Variants in ZNF341 observed in about 807,000 individuals in gnomAD.
ZNF341 encodes zinc finger protein 341.
A neutral mutation model predicts 87.7 loss-of-function variants in ZNF341; 52 were observed. The observed-to-expected ratio is 0.59, with a 90% CI of 0.47 to 0.75. ZNF341 has a LOEUF of 0.75. ZNF341 is among the 30% of genes least tolerant of loss of function. The pLI, the probability that ZNF341 is intolerant of heterozygous loss-of-function variation, is 0.00. For synonymous variants in ZNF341, 459 were observed against 472.7 expected (o/e 0.97, Z 0.38); for missense variants, 977 against 1,145.9 (o/e 0.85, Z 2.13).
chr20:33,768,276 C>T lies in ZNF341; in HGVS notation c.1413+1235C>T, dbSNP rs80121992. Among the ~76,000 whole-genome samples, 6 of 151,676 alleles carry T rather than the reference C, an allele frequency of 4.0e-5. No individual in the cohort carries two copies. The East Asian group carries it at 1.2e-3, about 29-fold the overall frequency. On this transcript the variant is annotated intron_variant, in intron 9 of 14. Coordinates refer to ENST00000375200, the MANE Select transcript of ZNF341 (RefSeq NM_001282933.2). ...TAGCTGGGATTACAGGTGCCCCCCA[C>T]CACACCCAGCTAATTTTTGTATTTT...
At position 33,732,470 on chromosome 20, in the gene ZNF341, C is replaced by G. The variant is rs2018592255; in HGVS notation, c.31+418C>G. 2.0e-5 allele frequency among the ~76,000 whole-genome samples: 3 copies of G among 152,330 alleles called. No homozygotes were observed. The South Asian group carries it at 6.2e-4, about 32-fold the overall frequency. Reference sequence around the variant, plus strand: ...CTGCGGGCAGGAGGGCCTCGGCGGCCTGACCACGAAGAACTTCTGCGGAGC... The same window carrying G: ...CTGCGGGCAGGAGGGCCTCGGCGGCGTGACCACGAAGAACTTCTGCGGAGC... On this transcript the variant is annotated intron_variant, in intron 1 of 14. Transcript: ENST00000375200. The surrounding 1 kb of genome is among the most constrained non-coding windows in gnomAD (Gnocchi z 4.5).
At chr20:33,750,330 G>GGAGAA (rs1293419330) in intron 4 of ZNF341, among the ~76,000 whole-genome samples, 7 of 152,164 alleles carry the variant, frequency 4.6e-5, no homozygotes, top group Admixed American at 1.3e-4. Context: ...TCCCCTTGCT[G>GGAGAA]TGTCCCTGGA....
intron 10 of ZNF341, among the ~76,000 whole-genome samples, chr20:33,776,352 C>G (rs1273845430): frequency 2.0e-5 from 3 of 151,648 alleles, no homozygotes; most frequent in African/African-American, 4.8e-5. Flanking sequence ...CTTGGCCTCC[C>G]AAAGTGCTGG....
chr20:33,734,780 A>G (rs997113506), intron 1 of ZNF341, among the ~76,000 whole-genome samples: 4 of 151,900 alleles, frequency 2.6e-5, no homozygotes, highest in Non-Finnish European at 5.9e-5. Context: ...TCTTGGCTCA[A>G]TGCAGCCTCC....
chr20:33,767,380 A>C (rs914526410), intron 9 of ZNF341, among the ~76,000 whole-genome samples: 113 of 57,772 alleles, frequency 2.0e-3, no homozygotes, highest in African/African-American at 7.0e-3. Flanking sequence ...GATGGTGATC[A>C]CTTCTTTTTT....
intron 10 of ZNF341, among the ~76,000 whole-genome samples, chr20:33,773,584 G>A (rs2019569020): frequency 6.6e-6 from 1 of 152,210 alleles, no homozygotes; most frequent in Non-Finnish European, 1.5e-5. Context: ...CTGTGAAATG[G>A]GGATCACAGT....
chr20:33,732,209 C>CG lies in ZNF341; in HGVS notation c.31+158dup, dbSNP rs1304886078. On this transcript the variant is annotated intron_variant, in intron 1 of 14. Coordinates refer to ENST00000375200, the MANE Select transcript of ZNF341 (RefSeq NM_001282933.2). This position sits in a 1 kb window ranked among gnomAD's most constrained non-coding sequence, Gnocchi z 4.5. The stretch of plus-strand genomic sequence containing the variant: ...GCGGGAGGGGCGCGGGCGGGAACAG[C>CG]GCGGGAGCCGAGGCCCGGCGGGGGA... 1.3e-5 allele frequency among the ~76,000 whole-genome samples: 2 copies of CG among 148,810 alleles called. No homozygotes were observed. The highest frequency in any genetic ancestry group is 3.0e-5 in the Non-Finnish European group (2 of 66,860).
rs1346009105 is a variant in ZNF341, at chr20:33,732,208, G to A, written c.31+156G>A. Among the ~76,000 whole-genome samples the A allele has an allele frequency of 2.0e-5, 3 of 149,440 alleles. No homozygotes were observed. Among genetic ancestry groups the A allele is most frequent in the Non-Finnish European group, 4.5e-5 (3 of 67,058 alleles). ...GGCGGGAGGGGCGCGGGCGGGAACA[G>A]CGCGGGAGCCGAGGCCCGGCGGGGG... On this transcript the variant is annotated intron_variant, in intron 1 of 14. Coordinates refer to ENST00000375200, the MANE Select transcript of ZNF341 (RefSeq NM_001282933.2). The surrounding 1 kb of genome is among the most constrained non-coding windows in gnomAD (Gnocchi z 4.5).
chr20:33,790,869 G>C, intron 14 of ZNF341, 119 bp from the exon 15 acceptor site: 1 of 1,225,892 alleles, frequency 8.2e-7, no homozygotes, highest in East Asian at 2.5e-5. Flanking sequence ...GGTGGAGAGA[G>C]CTGGGGCCAG....
intron 8 of ZNF341, among the ~76,000 whole-genome samples, chr20:33,764,501 G>A (rs896101320): frequency 2.2e-5 from 3 of 138,346 alleles, no homozygotes; most frequent in African/African-American, 8.1e-5. Flanking sequence ...ATATATATGT[G>A]TGTGTATATA....
chr20:33,743,195 C>A (rs546587743), intron 2 of ZNF341, among the ~76,000 whole-genome samples: 66 of 152,092 alleles, frequency 4.3e-4, no homozygotes, highest in African/African-American at 1.5e-3. Context: ...CCACACCCGG[C>A]TAATTTTTGT....
At chr20:33,787,422 C>A (rs1037992431) in intron 12 of ZNF341, 1 of 152,156 alleles carries the variant, frequency 6.6e-6, no homozygotes. Flanking sequence ...ATTGTAGGGA[C>A]CAGCATTTCC....
At chr20:33,777,544 G>A (rs2019653920) in intron 10 of ZNF341, among the ~76,000 whole-genome samples, 1 of 150,792 alleles carries the variant, frequency 6.6e-6, no homozygotes, top group South Asian at 2.1e-4. Flanking sequence ...TGAGGCAGGA[G>A]AATCCCTTGA....
chr20:33,745,216 G>A lies in ZNF341; in HGVS notation c.256G>A (p.Val86Ile), dbSNP rs746241708. 2.5e-6 allele frequency: 4 copies of A among 1,614,194 alleles called. No homozygotes were observed. In the East Asian group the frequency reaches 6.7e-5, roughly 27 times the overall value. The part of the protein sequence containing the change: ...CQGNAPALAT[V>I]SLATNSIYPP... The stretch of plus-strand genomic sequence containing the variant: ...GGGGAATGCCCCCGCCCTGGCCACA[G>A]TCTCACTGGCCACCAACAGCATCTA... Residue 86 changes from valine to isoleucine, a missense_variant, in exon 3 of 15, where the codon GTC becomes ATC. Val to Ile is a conservative substitution (Grantham distance 29). Transcript: ENST00000375200.
Position 33,791,213 on chromosome 20 carries a change from G to A in ZNF341, c.2261G>A (p.Arg754His), listed in dbSNP as rs375592064. The A allele has an allele frequency of 2.4e-5, 39 of 1,612,090 alleles. No homozygotes were observed. Among genetic ancestry groups the A allele is most frequent in the Admixed American group, 1.2e-4 (7 of 59,958 alleles). Reference protein sequence around the residue: ...RRPPQRRAAPRSCGSGGRKVL... With the variant: ...RRPPQRRAAPHSCGSGGRKVL... ...CCCCCCCAGAGGAGGGCAGCCCCCC[G>A]CAGTTGCGGCAGTGGTGGGCGCAAG... Residue 754 changes from arginine to histidine, a missense_variant, in exon 15 of 15, where the codon CGC (arginine) becomes CAC (histidine). Coordinates refer to ENST00000375200, the MANE Select transcript of ZNF341 (RefSeq NM_001282933.2).
chr20:33,743,479 A>T (rs1243667132), intron 2 of ZNF341, among the ~76,000 whole-genome samples: 1 of 151,160 alleles, frequency 6.6e-6, no homozygotes, highest in Non-Finnish European at 1.5e-5. Flanking sequence ...AGCTGAGATT[A>T]CAGGCATGCA....
Position 33,791,590 on chromosome 20 carries a change from G to A in ZNF341, c.*73G>A, listed in dbSNP as rs540236842. 1.2e-4 allele frequency: 172 copies of A among 1,427,874 alleles called. No individual in the cohort carries two copies. The African/African-American group carries it at 1.3e-3, about 11-fold the overall frequency. The allele number at this position is 1,427,874 out of a possible 1,614,324, so 88.5% of individuals were successfully genotyped here. ...GGTCCAGGGCCCCTGGGGGCAGACC[G>A]GTGATCCTTACCAGTGGAAGCGAGC... On this transcript the variant is annotated 3_prime_UTR_variant, in exon 15 of 15. Coordinates refer to ENST00000375200, the MANE Select transcript of ZNF341 (RefSeq NM_001282933.2).
At position 33,757,481 on chromosome 20, in the gene ZNF341, A is replaced by T. The variant is rs967648906; in HGVS notation, c.937+138A>T. 10 of 774,454 alleles carry T rather than the reference A, an allele frequency of 1.3e-5. No individual in the cohort carries two copies. The African/African-American group carries it at 1.6e-4, about 13-fold the overall frequency. 48.0% of individuals were successfully genotyped at this position (774,454 alleles called of 1,614,324 possible). A position where few individuals can be genotyped will look rare whatever the true frequency, so the allele number is the denominator to read the frequency against. ...AATTCAAAATATCAATGACTTCAAA[A>T]TGATAGAATTTTGTTTCTCTCCTGT... On this transcript the variant is annotated intron_variant, in intron 6 of 14. Transcript: ENST00000375200.
At chr20:33,764,040 T>C (rs1266223008) in intron 8 of ZNF341, among the ~76,000 whole-genome samples, 196 of 149,228 alleles carry the variant, frequency 1.3e-3, no homozygotes, top group African/African-American at 3.6e-3. Flanking sequence ...TTTTTTTTTT[T>C]CTGAGACGGA....
Sources: gnomAD v4.1 joint callset for allele counts (sites outside exome capture counted in the v4.1 genomes callset) on GRCh38, gnomAD v4.1.1 for gene constraint, Gnocchi (gnomAD v3.1) non-coding constraint, MANE v1.5 for transcripts, NCBI Gene and HGNC (gene_info 2026-07-23, HGNC 2026-07-21) for gene names.